ODC1: variants seen among roughly 807,000 people sequenced by gnomAD.
The protein encoded by ODC1 is ornithine decarboxylase 1, also known as ornithine decarboxylase.
ODC1 carries 18 observed loss-of-function variants against 41.5 expected under a neutral mutation model. The ratio of observed to expected loss-of-function variants is 0.43; its 90% confidence interval spans 0.30 to 0.64. The LOEUF is 0.64. Among genes scored for constraint, ODC1 ranks in the 30% least tolerant of loss-of-function variants. The pLI, the probability that ODC1 is intolerant of heterozygous loss-of-function variation, is 0.11. For synonymous variants in ODC1, 218 were observed against 211.6 expected (o/e 1.03, Z -0.26); for missense variants, 504 against 589.0 (o/e 0.86, Z 1.49).
intron 1 of ODC1, 45 bp from the exon 2 acceptor site, chr2:10,445,309 T>G: frequency 2.8e-6 from 1 of 359,470 alleles, no homozygotes; most frequent in Non-Finnish European, 5.3e-6. Flanking sequence ...TAGGAACACA[T>G]CGAGTTGAAG....
At position 10,443,198 on chromosome 2, in the gene ODC1, C is replaced by T. The variant is rs373811110; in HGVS notation, c.750+32G>A. 5 of 1,509,202 alleles carry T rather than the reference C, an allele frequency of 3.3e-6. No individual in the cohort carries two copies. The African/African-American group carries it at 4.2e-5, about 13-fold the overall frequency. 93.5% of individuals were successfully genotyped at this position (1,509,202 alleles called of 1,614,324 possible). ...TCCAAAAAGGAATTTATTAGAACGGCTACTGAGTATTACAGTTTTGTTCTA... is the reference window on the plus strand; with the variant it reads ...TCCAAAAAGGAATTTATTAGAACGGTTACTGAGTATTACAGTTTTGTTCTA... On this transcript the variant is annotated intron_variant, in intron 8 of 11. Coordinates refer to ENST00000234111, the MANE Select transcript of ODC1 (RefSeq NM_002539.3).
intron 8 of ODC1, 25 bp from the exon 9 acceptor site, chr2:10,442,199 A>C (rs745870476): frequency 6.3e-7 from 1 of 1,575,552 alleles, no homozygotes; most frequent in South Asian, 1.2e-5. Flanking sequence ...CAGAAAAGAA[A>C]GAGCAGCCTT....
At chr2:10,446,980 G>A (rs559672063) in intron 1 of ODC1, 33 of 157,364 alleles carry the variant, frequency 2.1e-4, no homozygotes, top group Middle Eastern at 1.6e-3. Context: ...TACAGACATG[G>A]TTATATATTT....
At chr2:10,444,715 C>A in intron 3 of ODC1, 68 bp from the exon 4 acceptor site, 1 of 1,378,852 alleles carries the variant, frequency 7.3e-7, no homozygotes, top group Non-Finnish European at 1.0e-6. Flanking sequence ...TAGCCAGCGA[C>A]CTTCATTCCC....
chr2:10,446,132 A>ATTTT (rs924969719), intron 1 of ODC1, among the ~76,000 whole-genome samples: 10 of 134,592 alleles, frequency 7.4e-5, no homozygotes, highest in African/African-American at 2.2e-4. Flanking sequence ...AGAATTCAGT[A>ATTTT]TTTTTTTTTT....
In ODC1 at chr2:10,444,198, G is replaced by C; in HGVS notation, c.346C>G (p.Gln116Glu). The C allele has an allele frequency of 6.2e-7, 1 of 1,612,972 alleles. No individual in the cohort carries two copies. Among genetic ancestry groups the C allele is most frequent in the Non-Finnish European group, 8.5e-7 (1 of 1,179,708 alleles). The change falls in exon 5 of 12, where the codon CAA (glutamine) becomes GAA (glutamate). Residue 116 changes from glutamine (Q) to glutamate (E), a missense_variant. Coordinates refer to ENST00000234111, the MANE Select transcript of ODC1 (RefSeq NM_002539.3). ...GCAGCATACTTAATTTGAGATACTT[G>C]TTTACAAGGATTTGCATAGATAATC... Reference protein sequence around the residue: ...ERIIYANPCKQVSQIKYAANN... With the variant: ...ERIIYANPCKEVSQIKYAANN...
intron 1 of ODC1, 25 bp from the exon 2 acceptor site, chr2:10,445,289 CTGT>C: frequency 2.5e-6 from 1 of 401,958 alleles, no homozygotes; most frequent in East Asian, 5.5e-5. Context: ...AGGGAATTTG[CTGT>C]CTACCTTAGG....
At chr2:10,442,267 T>G in intron 8 of ODC1, 93 bp from the exon 9 acceptor site, 1 of 1,282,768 alleles carries the variant, frequency 7.8e-7, no homozygotes, top group Non-Finnish European at 1.1e-6. Flanking sequence ...CATGACATCA[T>G]GAGACCAGGC....
In ODC1 at chr2:10,448,108, G is replaced by A. The variant is rs1407605315; in HGVS notation, c.-128+13C>T. On this transcript the variant is annotated intron_variant, in intron 1 of 11. Transcript: ENST00000234111. Reference sequence around the variant, plus strand: ...CGCTCCCTCCCTTCCTCCGCGGCCGGGGAGTCCCTCACCTCAGAGCGCCCA... The same window carrying A: ...CGCTCCCTCCCTTCCTCCGCGGCCGAGGAGTCCCTCACCTCAGAGCGCCCA... 1.8e-5 allele frequency: 3 copies of A among 167,500 alleles called. No homozygotes were observed. Among genetic ancestry groups the A allele is most frequent in the Non-Finnish European group, 3.8e-5 (3 of 78,746 alleles). The allele number at this position is 167,500 out of a possible 1,614,324, so 10.4% of individuals were successfully genotyped here. A position where few individuals can be genotyped will look rare whatever the true frequency, so the allele number is the denominator to read the frequency against.
At chr2:10,440,964 T>C in intron 11 of ODC1, 96 bp from the exon 12 acceptor site, 1 of 1,425,938 alleles carries the variant, frequency 7.0e-7, no homozygotes, top group Non-Finnish European at 9.5e-7. Flanking sequence ...CAATGTATTT[T>C]TTTTTTTTCT....
chr2:10,444,591 C>T lies in ODC1; in HGVS notation c.159G>A (p.Leu53=). Residue 53 remains leucine (L), a synonymous_variant, in exon 4 of 12, where the codon CTG becomes CTA. Transcript: ENST00000234111. ...CACGAGGGAGAGCTTTTAACCACCTCAGATGTTTCTTTAGAATGTCTCCCA... is the reference window on the plus strand; with the variant it reads ...CACGAGGGAGAGCTTTTAACCACCTTAGATGTTTCTTTAGAATGTCTCCCA... ...ADLGDILKKH[L]RWLKALPRVT... is the part of the protein sequence containing the mutation. 2 of 1,614,122 alleles carry T rather than the reference C, an allele frequency of 1.2e-6. No homozygotes were observed. The highest frequency in any genetic ancestry group is 1.7e-6 in the Non-Finnish European group (2 of 1,180,004).
Position 10,444,203 on chromosome 2 carries a change from C to T in ODC1, c.341G>A (p.Cys114Tyr), listed in dbSNP as rs1671936681. Residue 114 changes from cysteine (C) to tyrosine (Y), a missense_variant, in exon 5 of 12, where the codon TGT (cysteine) becomes TAT (tyrosine). By Grantham distance (194) the Cys-to-Tyr change is radical. Coordinates refer to ENST00000234111, the MANE Select transcript of ODC1 (RefSeq NM_002539.3). ...ATACTTAATTTGAGATACTTGTTTA[C>T]AAGGATTTGCATAGATAATCCTCTC... ...PPERIIYANP[C>Y]KQVSQIKYAA... is the part of the protein sequence containing the mutation. The T allele has an allele frequency of 6.2e-7, 1 of 1,612,980 alleles. No individual in the cohort carries two copies. Among genetic ancestry groups the T allele is most frequent in the Non-Finnish European group, 8.5e-7 (1 of 1,179,694 alleles).
At chr2:10,447,283 G>C (rs549288588) in intron 1 of ODC1, among the ~76,000 whole-genome samples, 1 of 152,310 alleles carries the variant, frequency 6.6e-6, no homozygotes, top group Admixed American at 6.5e-5. Flanking sequence ...TGTTAGAAGA[G>C]ATAGGGGCTA....
rs1671796453 is a variant in ODC1 at position 10,440,825 on chromosome 2, C to T, written c.1285G>A (p.Val429Ile). 6.2e-7 allele frequency: 1 copy of T among 1,614,038 alleles called. No individual in the cohort carries two copies. The change falls in exon 12 of 12, where the codon GTA (valine) becomes ATA (isoleucine). Residue 429 changes from valine (V) to isoleucine (I), a missense_variant. Coordinates refer to ENST00000234111, the MANE Select transcript of ODC1 (RefSeq NM_002539.3). ...AGGGTGCTGGCATCCTGTTCCTCTA[C>T]TTCGGGTGGGAAGTCGGGGTTCTGG... ...QFQNPDFPPE[V>I]EEQDASTLPV...
rs1671785289 is a variant in ODC1, at chr2:10,440,518, A to T, written c.*206T>A. 4.0e-6 allele frequency: 2 copies of T among 498,926 alleles called. No individual in the cohort carries two copies. The highest frequency in any genetic ancestry group is 7.0e-6 in the Non-Finnish European group (2 of 285,894). 30.9% of individuals were successfully genotyped at this position (498,926 alleles called of 1,614,324 possible). A position where few individuals can be genotyped will look rare whatever the true frequency, so the allele number is the denominator to read the frequency against. ...CTTGAGTAGCGTGTCTGAAGAGTGA[A>T]TAAAAATCCATATAAAACAAATATT... On this transcript the variant is annotated 3_prime_UTR_variant, in exon 12 of 12. Coordinates refer to ENST00000234111, the MANE Select transcript of ODC1 (RefSeq NM_002539.3).
intron 8 of ODC1, 130 bp from the exon 9 acceptor site, chr2:10,442,304 T>C (rs1671854391): frequency 4.2e-6 from 4 of 952,542 alleles, no homozygotes; most frequent in Admixed American, 6.3e-5. Context: ...ATCATTAAAG[T>C]AACAAAAGCA....
intron 8 of ODC1, 75 bp from the exon 9 acceptor site, chr2:10,442,249 C>T (rs1215975050): frequency 1.4e-6 from 2 of 1,437,300 alleles, no homozygotes; most frequent in Non-Finnish European, 1.9e-6. Context: ...CATCACAGGG[C>T]CTTGTGACAT....
At position 10,444,235 on chromosome 2, in the gene ODC1, C is replaced by T; in HGVS notation, c.309G>A (p.Val103=). The change falls in exon 5 of 12, where the codon GTG becomes GTA. Residue 103 remains valine, a synonymous_variant. Coordinates refer to ENST00000234111, the MANE Select transcript of ODC1 (RefSeq NM_002539.3). ...TEIQLVQSLG[V]PPERIIYANP... ...TTGCATAGATAATCCTCTCTGGAGG[C>T]ACCCCCAGACTCTGCACCAACTGTA... 1 of 1,600,510 alleles carries T rather than the reference C, an allele frequency of 6.2e-7. No individual in the cohort carries two copies. Among genetic ancestry groups the T allele is most frequent in the Non-Finnish European group, 8.5e-7 (1 of 1,175,580 alleles).
At chr2:10,443,939 T>C in intron 5 of ODC1, 103 bp from the exon 6 acceptor site, 1 of 1,530,500 alleles carries the variant, frequency 6.5e-7, no homozygotes, top group Non-Finnish European at 8.9e-7. Context: ...GCTGATATAT[T>C]CTGTAGTTTG....
Sources: allele counts gnomAD v4.1 joint callset (sites outside exome capture counted in the v4.1 genomes callset), GRCh38; gene constraint gnomAD v4.1.1; transcripts MANE v1.5; gene names NCBI Gene and HGNC (gene_info 2026-07-23, HGNC 2026-07-21).